PCDHGA8: variants seen among roughly 807,000 people sequenced by gnomAD.
PCDHGA8 encodes protocadherin gamma-A8.
A neutral mutation model predicts 59.2 loss-of-function variants in PCDHGA8; 45 were observed. That is an observed-to-expected ratio of 0.76 (90% CI 0.60 to 0.98). The LOEUF (loss-of-function observed/expected upper bound fraction) is 0.98, where lower values mean the gene tolerates loss of function less well. Among genes scored for constraint, PCDHGA8 ranks in the 50% least tolerant of loss-of-function variants. The pLI, the probability that PCDHGA8 is intolerant of heterozygous loss-of-function variation, is 0.00. For missense variants in PCDHGA8, 1,257 were observed against 1,196.2 expected, an observed-to-expected ratio of 1.05 and a Z score of -0.75; for synonymous variants, 531 against 519.0, an observed-to-expected ratio of 1.02 and a Z score of -0.32.
In PCDHGA8 at chr5:141,493,079, G is replaced by A. The variant is rs1299289839; in HGVS notation, c.2425-1728G>A. 6.6e-6 allele frequency among the ~76,000 whole-genome samples: 1 copy of A among 152,204 alleles called. No homozygotes were observed. Among genetic ancestry groups the A allele is most frequent in the East Asian group, 1.9e-4 (1 of 5,196 alleles). Reference sequence around the variant, plus strand: ...AAAAACACAAGTTTCTCCAACTCCAGGAGCTTTTATTCAAAATATATCAAT... The same window carrying A: ...AAAAACACAAGTTTCTCCAACTCCAAGAGCTTTTATTCAAAATATATCAAT... On this transcript the variant is annotated intron_variant, in intron 1 of 3. Transcript: ENST00000398604. The surrounding 1 kb of genome is among the most constrained non-coding windows in gnomAD (Gnocchi z 4.3).
chr5:141,430,643 T>G (rs1432236231), intron 1 of PCDHGA8: 16 of 946,950 alleles, frequency 1.7e-5, no homozygotes, highest in South Asian at 2.5e-5. Flanking sequence ...CCTGGGAGTA[T>G]GTGGAAACAA....
intron 1 of PCDHGA8, among the ~76,000 whole-genome samples, chr5:141,469,600 T>C (rs1276702104): frequency 6.6e-6 from 1 of 151,974 alleles, no homozygotes; most frequent in Non-Finnish European, 1.5e-5. Flanking sequence ...TAAAACAAAA[T>C]AAGTAAAATA....
chr5:141,442,321 C>G (rs1323525940), intron 1 of PCDHGA8: 1 of 152,360 alleles, frequency 6.6e-6, no homozygotes, highest in African/African-American at 2.4e-5. Context: ...ATGTCTATCC[C>G]GCGCTAAGCC....
At chr5:141,495,400 C>T (rs554849650) in intron 2 of PCDHGA8, among the ~76,000 whole-genome samples, 4 of 152,278 alleles carry the variant, frequency 2.6e-5, no homozygotes, top group Non-Finnish European at 1.5e-5. Flanking sequence ...ATGGAGCAGG[C>T]CCCCTTCTCC....
At chr5:141,422,041 G>T in intron 1 of PCDHGA8, 3 of 1,611,632 alleles carry the variant, frequency 1.9e-6, no homozygotes, top group South Asian at 1.1e-5. Context: ...GGATCCAGAC[G>T]AGGGAATCAA....
chr5:141,418,578 CAGTGTT>C, intron 1 of PCDHGA8: 1 of 1,614,040 alleles, frequency 6.2e-7, no homozygotes, highest in African/African-American at 1.3e-5. Flanking sequence ...GACAACCCCC[CAGTGTT>C]CAGCCAGGAC....
At chr5:141,404,892 A>T in intron 1 of PCDHGA8, 1 of 1,613,880 alleles carries the variant, frequency 6.2e-7, no homozygotes, top group African/African-American at 1.3e-5. Context: ...GTGGCTGTAC[A>T]GGACCATGGC....
Position 141,392,841 on chromosome 5 carries a change from C to A in PCDHGA8, c.28C>A (p.Arg10Ser), listed in dbSNP as rs1464167244. 2 of 1,608,680 alleles carry A rather than the reference C, an allele frequency of 1.2e-6. No homozygotes were observed. The highest frequency in any genetic ancestry group is 1.7e-6 in the Non-Finnish European group (2 of 1,177,572). The change falls in exon 1 of 4, where the codon CGC becomes AGC. Residue 10 changes from arginine to serine, a missense_variant. Transcript: ENST00000398604. ...GGCCGCTCCACAGAGTCGCCCCAGA[C>A]GCGGCGAGCTGATCCTGCTGTGCGC... MAAPQSRPR[R>S]GELILLCALL...
At position 141,505,406 on chromosome 5, in the gene PCDHGA8, G is replaced by A. The variant is rs546453598; in HGVS notation, c.2497G>A (p.Asp833Asn). 61 of 1,614,174 alleles carry A rather than the reference G, an allele frequency of 3.8e-5. No individual in the cohort carries two copies. The highest frequency in any genetic ancestry group is 1.1e-4 in the East Asian group (5 of 44,866). ...RPGTSGSQNG[D>N]DTGTWPNNQF... Reference sequence around the variant, plus strand: ...CTCTCTCCCCAGCTCCCAAAATGGCGATGACACCGGCACCTGGCCCAACAA... The same window carrying A: ...CTCTCTCCCCAGCTCCCAAAATGGCAATGACACCGGCACCTGGCCCAACAA... Residue 833 changes from aspartate to asparagine, a missense_variant, in exon 3 of 4, where the codon GAT (aspartate) becomes AAT (asparagine). Transcript: ENST00000398604.
In PCDHGA8 at chr5:141,511,405, T is replaced by C. The variant is rs1274658643; in HGVS notation, c.*232T>C. The C allele has an allele frequency of 2.2e-5, 21 of 944,066 alleles. No homozygotes were observed. In the East Asian group the frequency reaches 5.8e-4, roughly 26 times the overall value. 58.5% of individuals were successfully genotyped at this position (944,066 alleles called of 1,614,324 possible). On this transcript the variant is annotated 3_prime_UTR_variant, in exon 4 of 4. Transcript: ENST00000398604. ...CGCTGGGAACCCCCATCCAATCAACTGCTGTACCCATGGGGGTAGTGGGGT... is the reference window on the plus strand; with the variant it reads ...CGCTGGGAACCCCCATCCAATCAACCGCTGTACCCATGGGGGTAGTGGGGT...
chr5:141,441,672 GCCTTCGA>G (rs1327551430), intron 1 of PCDHGA8: 1 of 290,468 alleles, frequency 3.4e-6, no homozygotes, highest in Non-Finnish European at 6.8e-6. Flanking sequence ...CGCACAGTGC[GCCTTCGA>G]CCAAGAGCAG....
At chr5:141,413,181 C>T in intron 1 of PCDHGA8, 8 of 1,602,880 alleles carry the variant, frequency 5.0e-6, no homozygotes, top group Non-Finnish European at 6.8e-6. Context: ...CTACAATGGC[C>T]GCTCAAAGGA....
intron 3 of PCDHGA8, among the ~76,000 whole-genome samples, chr5:141,506,402 G>A (rs1032556978): frequency 2.8e-5 from 4 of 143,790 alleles, no homozygotes; most frequent in East Asian, 2.0e-4. Flanking sequence ...GCAGAAAATC[G>A]CACCACTGCA....
chr5:141,420,321 C>G (rs763682825), intron 1 of PCDHGA8: 2 of 1,410,974 alleles, frequency 1.4e-6, no homozygotes, highest in Non-Finnish European at 1.9e-6. Flanking sequence ...TACAATATGC[C>G]AATATATTCC....
Position 141,489,968 on chromosome 5 carries a change from A to G in PCDHGA8, c.2425-4839A>G. 6.2e-7 allele frequency: 1 copy of G among 1,614,146 alleles called. No homozygotes were observed. The highest frequency in any genetic ancestry group is 2.2e-5 in the East Asian group (1 of 44,880). On this transcript the variant is annotated intron_variant, in intron 1 of 3. Coordinates refer to ENST00000398604, the MANE Select transcript of PCDHGA8 (RefSeq NM_032088.2). This position sits in a 1 kb window ranked among gnomAD's most constrained non-coding sequence, Gnocchi z 4.5. Reference sequence around the variant, plus strand: ...ATCAATGATAATGCTCCAACCTTCCAATCCTCAGTTCTACGTGTGGGAATC... The same window carrying G: ...ATCAATGATAATGCTCCAACCTTCCGATCCTCAGTTCTACGTGTGGGAATC...
rs1224625072 is a variant in PCDHGA8, at chr5:141,490,972, C to T, written c.2425-3835C>T. ...AGACTGGGAACACTCAGCCCCCCAG[C>T]GTCTCCCTCGCTCTGCTCCTCCTGG... On this transcript the variant is annotated intron_variant, in intron 1 of 3. Transcript: ENST00000398604. This position sits in a 1 kb window ranked among gnomAD's most constrained non-coding sequence, Gnocchi z 5.4. The T allele has an allele frequency of 1.2e-5, 20 of 1,613,912 alleles. No individual in the cohort carries two copies. Among genetic ancestry groups the T allele is most frequent in the East Asian group, 4.5e-5 (2 of 44,882 alleles).
intron 2 of PCDHGA8, among the ~76,000 whole-genome samples, chr5:141,498,944 A>G (rs1249475504): frequency 7.2e-6 from 1 of 139,096 alleles, no homozygotes; most frequent in Non-Finnish European, 1.6e-5. Flanking sequence ...AAAGAAAGAA[A>G]GAAAAAGAGA....
At position 141,476,321 on chromosome 5, in the gene PCDHGA8, G is replaced by A; in HGVS notation, c.2425-18486G>A. 1 of 1,614,196 alleles carries A rather than the reference G, an allele frequency of 6.2e-7. No homozygotes were observed. The highest frequency in any genetic ancestry group is 1.3e-5 in the African/African-American group (1 of 75,054). ...CCTCTCAGCCCGCAGGTTCCGGGTG[G>A]TGTCTGGAGCTAGCCGAAGATTCTT... On this transcript the variant is annotated intron_variant, in intron 1 of 3. Coordinates refer to ENST00000398604, the MANE Select transcript of PCDHGA8 (RefSeq NM_032088.2). The surrounding 1 kb of genome is among the most constrained non-coding windows in gnomAD (Gnocchi z 7.6).
rs2096663485 is a variant in PCDHGA8, at chr5:141,422,674, A to G, written c.2424+27437A>G. 3 of 1,606,698 alleles carry G rather than the reference A, an allele frequency of 1.9e-6. No individual in the cohort carries two copies. The East Asian group carries it at 6.7e-5, about 36-fold the overall frequency. On this transcript the variant is annotated intron_variant, in intron 1 of 3. Transcript: ENST00000398604. ...AGTGACCGCCCTCGACCCGGACAGC[A>G]AACAGAATGCCCTGGTCACTTACTC...
Sources: allele counts gnomAD v4.1 joint callset (sites outside exome capture counted in the v4.1 genomes callset), GRCh38; gene constraint gnomAD v4.1.1; non-coding constraint Gnocchi (gnomAD v3.1); transcripts MANE v1.5; gene names NCBI Gene and HGNC (gene_info 2026-07-23, HGNC 2026-07-21).